The following DYTN variants were observed in gnomAD, a reference collection of about 807,000 sequenced individuals.
DYTN encodes dystrotelin.
DYTN carries 75 observed loss-of-function variants against 69.6 expected under a neutral mutation model. The observed-to-expected ratio is 1.08, with a 90% CI of 0.89 to 1.31. The LOEUF (loss-of-function observed/expected upper bound fraction) is 1.31. Among genes scored for constraint, DYTN ranks in the 50% most tolerant of loss-of-function variants. The pLI, the probability that DYTN is intolerant of heterozygous loss-of-function variation, is 0.00. For missense variants in DYTN, 726 were observed against 688.4 expected (o/e 1.05, Z -0.61); for synonymous variants, 252 against 249.1 (o/e 1.01, Z -0.11).
intron 7 of DYTN, among the ~76,000 whole-genome samples, chr2:206,695,495 T>C (rs1699910334): frequency 6.6e-6 from 1 of 152,182 alleles, no homozygotes; most frequent in African/African-American, 2.4e-5. Context: ...CCCATCAACA[T>C]TGGAGAATTT....
chr2:206,666,468 G>A (rs73983064), intron 9 of DYTN, among the ~76,000 whole-genome samples: 2 of 152,194 alleles, frequency 1.3e-5, no homozygotes, highest in African/African-American at 2.4e-5. Context: ...AACTCACCAC[G>A]CATATTACAG....
chr2:206,656,711 A>T (rs1165048481), intron 11 of DYTN, among the ~76,000 whole-genome samples: 1 of 150,794 alleles, frequency 6.6e-6, no homozygotes, highest in Non-Finnish European at 1.5e-5. Context: ...ACTTCACTTC[A>T]ATTGCATTCA....
chr2:206,693,387 A>T, intron 8 of DYTN, 64 bp from the exon 9 acceptor site: 1 of 1,536,128 alleles, frequency 6.5e-7, no homozygotes, highest in Non-Finnish European at 8.7e-7. Context: ...TTCCTTCCTT[A>T]CTTGGATGGA....
intron 9 of DYTN, among the ~76,000 whole-genome samples, chr2:206,691,117 A>G (rs1221340840): frequency 6.6e-6 from 1 of 152,170 alleles, no homozygotes; most frequent in East Asian, 1.9e-4. Flanking sequence ...AAGAAATGCA[A>G]ATAAGAGTAT....
chr2:206,693,177 G>A lies in DYTN; in HGVS notation c.978C>T (p.Ala326=). The A allele has an allele frequency of 6.2e-7, 1 of 1,608,678 alleles. No homozygotes were observed. Among genetic ancestry groups the A allele is most frequent in the Non-Finnish European group, 8.5e-7 (1 of 1,178,360 alleles). The change falls in exon 9 of 12, where the codon GCC becomes GCT. Residue 326 remains alanine (A), a splice_region_variant and synonymous_variant. Transcript: ENST00000452335. ...NPKGVPHHAQ[A]RLLKKQLNQY... is the part of the protein sequence containing the mutation. ...AGCCAATCCTCGCAGCCACTCACCTGGCCTGCGCATGGTGAGGCACACCCT... is the reference window on the plus strand; with the variant it reads ...AGCCAATCCTCGCAGCCACTCACCTAGCCTGCGCATGGTGAGGCACACCCT...
intron 10 of DYTN, among the ~76,000 whole-genome samples, chr2:206,664,054 C>A (rs1372287430): frequency 6.6e-6 from 1 of 151,230 alleles, no homozygotes; most frequent in Non-Finnish European, 1.5e-5. Flanking sequence ...GTATTCTTCA[C>A]CCTCATACAC....
chr2:206,694,942 T>C, intron 7 of DYTN, 65 bp from the exon 8 acceptor site: 1 of 1,125,494 alleles, frequency 8.9e-7, no homozygotes, highest in Non-Finnish European at 1.2e-6. Flanking sequence ...AAAAAAAGAA[T>C]ATCCAGGTAG....
At chr2:206,716,998 C>A (rs1443210134) in intron 1 of DYTN, among the ~76,000 whole-genome samples, 1 of 150,570 alleles carries the variant, frequency 6.6e-6, no homozygotes, top group East Asian at 2.0e-4. Context: ...AACACCAGAC[C>A]CACTTCCTCA....
chr2:206,717,079 A>ACACACAC lies in DYTN; in HGVS notation c.19+1181_19+1182insGTGTGTG, dbSNP rs1194032966. On this transcript the variant is annotated intron_variant, in intron 1 of 11. Coordinates refer to ENST00000452335, the MANE Select transcript of DYTN (RefSeq NM_001093730.1). ...ACACACACACACACACACACACACA[A>ACACACAC]AACAAACTCAAGAAAGGAAGAAACT... 8.1e-3 allele frequency among the ~76,000 whole-genome samples: 1,110 copies of ACACACAC among 137,268 alleles called. 14 individuals are homozygous for ACACACAC. The highest frequency in any genetic ancestry group is 0.029 in the African/African-American group (970 of 33,560). 90.1% of individuals were successfully genotyped at this position (137,268 alleles called of 152,430 possible). A position where few individuals can be genotyped will look rare whatever the true frequency, so the allele number is the denominator to read the frequency against.
intron 9 of DYTN, 106 bp from the exon 10 acceptor site, chr2:206,666,135 G>A (rs961268795): frequency 1.4e-6 from 2 of 1,415,948 alleles, no homozygotes; most frequent in Non-Finnish European, 9.5e-7. Context: ...AAAGATGCTG[G>A]AAAACCCTGT....
At chr2:206,708,187 T>C (rs1211659732) in intron 2 of DYTN, among the ~76,000 whole-genome samples, 1 of 152,200 alleles carries the variant, frequency 6.6e-6, no homozygotes, top group Non-Finnish European at 1.5e-5. Context: ...ACTGAATATT[T>C]TTTAACCACC....
At position 206,663,490 on chromosome 2, in the gene DYTN, T is replaced by C. The variant is rs1032348348; in HGVS notation, c.1141-95A>G. On this transcript the variant is annotated intron_variant, in intron 10 of 11. Coordinates refer to ENST00000452335, the MANE Select transcript of DYTN (RefSeq NM_001093730.1). ...TCAACATTCCAACAGAACATTCTAA[T>C]GCAAGACTTTTCTTTCTCCTCTGTA... 27 of 1,322,790 alleles carry C rather than the reference T, an allele frequency of 2.0e-5. No individual in the cohort carries two copies. The African/African-American group carries it at 3.7e-4, about 18-fold the overall frequency. 81.9% of individuals were successfully genotyped at this position (1,322,790 alleles called of 1,614,324 possible).
At chr2:206,706,807 G>A (rs919450960) in intron 3 of DYTN, among the ~76,000 whole-genome samples, 8 of 150,980 alleles carry the variant, frequency 5.3e-5, no homozygotes, top group Middle Eastern at 3.4e-3. Context: ...CAGAACTATT[G>A]ACTTCAGAGC....
intron 1 of DYTN, among the ~76,000 whole-genome samples, chr2:206,711,561 G>T (rs574322614): frequency 1.4e-5 from 2 of 144,852 alleles, no homozygotes; most frequent in South Asian, 2.2e-4. Context: ...TCTTTTTTTT[G>T]TTGTTGTTTT....
chr2:206,699,745 A>G lies in DYTN; in HGVS notation c.701T>C (p.Phe234Ser), dbSNP rs1161692344. The G allele has an allele frequency of 6.2e-7, 1 of 1,612,614 alleles. No homozygotes were observed. Among genetic ancestry groups the G allele is most frequent in the South Asian group, 1.1e-5 (1 of 90,760 alleles). ...HPARCTLCRT[F>S]PITGLRYRCL... ...ACTGTACCTGAGTCCCGTGATTGGG[A>G]AAGTCCTGCAGAGAGTGCACCGAGC... Residue 234 changes from phenylalanine (F) to serine (S), a missense_variant, in exon 7 of 12, where the codon TTC (phenylalanine) becomes TCC (serine). Physicochemically the swap from Phe to Ser is radical, Grantham distance 155. Coordinates refer to ENST00000452335, the MANE Select transcript of DYTN (RefSeq NM_001093730.1).
chr2:206,689,559 C>T (rs1699843516), intron 9 of DYTN, among the ~76,000 whole-genome samples: 1 of 152,160 alleles, frequency 6.6e-6, no homozygotes, highest in Non-Finnish European at 1.5e-5. Flanking sequence ...AGAACCCTGG[C>T]TTTGTACAGC....
At position 206,683,339 on chromosome 2, in the gene DYTN, CTTTTTTTTTTTTT is replaced by C. The variant is rs10531348; in HGVS notation, c.980+9823_980+9835del. Among the ~76,000 whole-genome samples, 104 of 111,938 alleles carry C rather than the reference CTTTTTTTTTTTTT, an allele frequency of 9.3e-4. 1 individual carries two copies. Among genetic ancestry groups the C allele is most frequent in the Non-Finnish European group, 3.7e-4 (20 of 54,304 alleles). 73.4% of individuals were successfully genotyped at this position (111,938 alleles called of 152,430 possible). A position where few individuals can be genotyped will look rare whatever the true frequency, so the allele number is the denominator to read the frequency against. The stretch of plus-strand genomic sequence containing the variant: ...TCCTCACCTCTTCTTTTTACTTTTT[CTTTTTTTTTTTTT>C]TTTTTTTTTGAGATGGAGTCTCACT... On this transcript the variant is annotated intron_variant, in intron 9 of 11. Coordinates refer to ENST00000452335, the MANE Select transcript of DYTN (RefSeq NM_001093730.1).
At chr2:206,652,067 A>C (rs1215308433) in intron 11 of DYTN, 146 bp from the exon 12 acceptor site, 1 of 663,010 alleles carries the variant, frequency 1.5e-6, no homozygotes, top group African/African-American at 1.8e-5. Context: ...GCCAGCAAAT[A>C]AGATGGCTAT....
chr2:206,680,912 A>T (rs1005048200), intron 9 of DYTN, among the ~76,000 whole-genome samples: 2 of 152,170 alleles, frequency 1.3e-5, no homozygotes, highest in Non-Finnish European at 2.9e-5. Context: ...TTTTCTAATT[A>T]TGTGAAGAAT....
Sources: allele counts gnomAD v4.1 joint callset (sites outside exome capture counted in the v4.1 genomes callset), GRCh38; gene constraint gnomAD v4.1.1; transcripts MANE v1.5; gene names NCBI Gene and HGNC (gene_info 2026-07-23, HGNC 2026-07-21).